Variants in NEO1 observed in about 807,000 individuals in gnomAD.
The protein encoded by NEO1 is neogenin.
A neutral mutation model predicts 159.7 loss-of-function variants in NEO1; 63 were observed. That is an observed-to-expected ratio of 0.39 (90% CI 0.32 to 0.49). The LOEUF (loss-of-function observed/expected upper bound fraction) is 0.49, where lower values mean the gene tolerates loss of function less well. Among genes scored for constraint, NEO1 ranks in the 20% least tolerant of loss-of-function variants. The pLI, the probability that NEO1 is intolerant of heterozygous loss-of-function variation, is 0.85. For missense variants in NEO1, 1,615 were observed against 1,831.0 expected (o/e 0.88, Z 2.15); for synonymous variants, 633 against 662.0 (o/e 0.96, Z 0.67).
intron 7 of NEO1, among the ~76,000 whole-genome samples, chr15:73,179,979 T>C (rs1433385298): frequency 2.0e-5 from 3 of 152,146 alleles, no homozygotes; most frequent in African/African-American, 7.2e-5. Flanking sequence ...TATGTGATTA[T>C]TTTCTTATAC....
At chr15:73,114,339 T>G (rs1261845106) in intron 1 of NEO1, among the ~76,000 whole-genome samples, 2 of 152,172 alleles carry the variant, frequency 1.3e-5, no homozygotes, top group Non-Finnish European at 2.9e-5. Flanking sequence ...TTCTTCAGGT[T>G]TCTTTGTAAA....
intron 5 of NEO1, among the ~76,000 whole-genome samples, chr15:73,158,208 CTTTTTTTT>C (rs1047852394): frequency 3.6e-5 from 3 of 82,550 alleles, no homozygotes; most frequent in Non-Finnish European, 6.7e-5. Flanking sequence ...GAGTGAGACT[CTTTTTTTT>C]TTTTTTTTTT....
chr15:73,280,273 G>A (rs1236952813), intron 22 of NEO1, among the ~76,000 whole-genome samples: 2 of 151,170 alleles, frequency 1.3e-5, no homozygotes, highest in Non-Finnish European at 2.9e-5. Flanking sequence ...GCAGCAGAGT[G>A]AGGTTCCGTC....
intron 7 of NEO1, among the ~76,000 whole-genome samples, chr15:73,233,388 T>C (rs1243413753): frequency 6.6e-6 from 1 of 152,196 alleles, no homozygotes; most frequent in African/African-American, 2.4e-5. Flanking sequence ...ATATACACTT[T>C]GTGTCAACCA....
At chr15:73,275,650 G>T (rs568493936) in intron 21 of NEO1, among the ~76,000 whole-genome samples, 1 of 151,820 alleles carries the variant, frequency 6.6e-6, no homozygotes, top group African/African-American at 2.4e-5. Context: ...GTGAGACCCT[G>T]TCTCAAAAAA....
chr15:73,200,179 T>C (rs1230672163), intron 7 of NEO1, among the ~76,000 whole-genome samples: 1 of 152,222 alleles, frequency 6.6e-6, no homozygotes, highest in East Asian at 1.9e-4. Flanking sequence ...CATTCTTTTT[T>C]TTGAAGATCT....
intron 7 of NEO1, among the ~76,000 whole-genome samples, chr15:73,210,153 A>G (rs1453742589): frequency 6.6e-6 from 1 of 152,180 alleles, no homozygotes; most frequent in African/African-American, 2.4e-5. Context: ...AGACAAGACA[A>G]GAGGTGGACA....
chr15:73,122,503 C>T (rs540412670), intron 2 of NEO1, 22 bp from the exon 3 acceptor site: 1 of 1,595,932 alleles, frequency 6.3e-7, no homozygotes, highest in Non-Finnish European at 8.5e-7. Context: ...AATTTTATTT[C>T]TTCTCTTCCT....
intron 9 of NEO1, among the ~76,000 whole-genome samples, chr15:73,244,973 AAAAAAAAAAAC>A (rs1567586799): frequency 1.4e-5 from 2 of 147,688 alleles, no homozygotes; most frequent in Admixed American, 1.4e-4. Flanking sequence ...AAAAAAAAAA[AAAAAAAAAAAC>A]AACAGCAAAT....
chr15:73,241,623 C>T (rs981368374), intron 8 of NEO1, among the ~76,000 whole-genome samples: 1 of 152,156 alleles, frequency 6.6e-6, no homozygotes, highest in Non-Finnish European at 1.5e-5. Context: ...CAGCCCAGTG[C>T]TTTCTTTCTA....
chr15:73,200,264 A>G (rs1267161367), intron 7 of NEO1, among the ~76,000 whole-genome samples: 2 of 151,964 alleles, frequency 1.3e-5, no homozygotes, highest in Non-Finnish European at 2.9e-5. Context: ...TCCTTGTATG[A>G]ATTTTTGTAA....
In NEO1 at chr15:73,116,754, G is replaced by A. The variant is rs954913559; in HGVS notation, c.345G>A (p.Val115=). 37 of 1,613,820 alleles carry A rather than the reference G, an allele frequency of 2.3e-5. No homozygotes were observed. The highest frequency in any genetic ancestry group is 3.1e-5 in the Non-Finnish European group (37 of 1,179,916). Residue 115 remains valine (V), a synonymous_variant, in exon 2 of 29, where the codon GTG becomes GTA. Coordinates refer to ENST00000261908, the MANE Select transcript of NEO1 (RefSeq NM_002499.4). The part of the protein sequence containing the change: ...PDGSLFISNV[V]HSKHNKPDEG... Reference sequence around the variant, plus strand: ...GATCTTTATTTATCAGCAATGTGGTGCATTCCAAACACAATAAACCTGATG... The same window carrying A: ...GATCTTTATTTATCAGCAATGTGGTACATTCCAAACACAATAAACCTGATG...
At chr15:73,236,201 C>G in intron 7 of NEO1, 146 bp from the exon 8 acceptor site, 21 of 1,096,400 alleles carry the variant, frequency 1.9e-5, no homozygotes, top group African/African-American at 1.6e-5. Flanking sequence ...TTGTTTATTT[C>G]TTTTTTGTTT....
intron 1 of NEO1, among the ~76,000 whole-genome samples, chr15:73,093,603 G>A (rs1031847282): frequency 2.7e-5 from 4 of 148,596 alleles, no homozygotes; most frequent in Admixed American, 1.3e-4. Flanking sequence ...ATACAAGGTC[G>A]TGCTCTGTCA....
intron 5 of NEO1, among the ~76,000 whole-genome samples, chr15:73,160,193 C>G (rs897362229): frequency 6.6e-6 from 1 of 151,940 alleles, no homozygotes; most frequent in African/African-American, 2.4e-5. Context: ...ATACAAAAAC[C>G]CCAAAACACC....
intron 22 of NEO1, among the ~76,000 whole-genome samples, chr15:73,278,576 G>T (rs929271727): frequency 6.6e-6 from 1 of 152,124 alleles, no homozygotes; most frequent in African/African-American, 2.4e-5. Context: ...ACTACATACT[G>T]CAGTGTTTTT....
intron 7 of NEO1, among the ~76,000 whole-genome samples, 181 bp downstream of exon 7, chr15:73,178,608 T>G (rs1160818595): frequency 6.6e-6 from 1 of 152,020 alleles, no homozygotes; most frequent in Non-Finnish European, 1.5e-5. Context: ...AAGCACAATT[T>G]TGGATAATGT....
chr15:73,160,166 A>C (rs890473494), intron 5 of NEO1, among the ~76,000 whole-genome samples: 3 of 152,036 alleles, frequency 2.0e-5, no homozygotes, highest in African/African-American at 7.2e-5. Flanking sequence ...TAATTTTTCT[A>C]TGTAGTCCTC....
intron 4 of NEO1, among the ~76,000 whole-genome samples, chr15:73,127,416 G>A (rs1039615712): frequency 3.9e-5 from 6 of 152,166 alleles, no homozygotes; most frequent in East Asian, 1.9e-4. Flanking sequence ...GATGTGGGGT[G>A]GTGGTAGGTA....
Sources: allele counts gnomAD v4.1 joint callset (sites outside exome capture counted in the v4.1 genomes callset), GRCh38; gene constraint gnomAD v4.1.1; transcripts MANE v1.5; gene names NCBI Gene and HGNC (gene_info 2026-07-23, HGNC 2026-07-21).